Variants in KPNA1 observed in about 807,000 individuals in gnomAD.
The protein encoded by KPNA1 is importin subunit alpha-5.
Under a neutral mutation model 70.5 loss-of-function variants are expected in KPNA1, and 10 were observed. The ratio of observed to expected loss-of-function variants is 0.14; its 90% confidence interval spans 0.09 to 0.24. The LOEUF (loss-of-function observed/expected upper bound fraction) is 0.24. Ranked by LOEUF, KPNA1 falls within the 10% of genes least tolerant of loss-of-function variation. The probability of loss-of-function intolerance (pLI) is 1.00; values close to 1 mark genes in which losing one functional copy is unlikely to be tolerated. For missense variants in KPNA1, 397 were observed against 637.9 expected, an observed-to-expected ratio of 0.62 and a Z score of 4.07; for synonymous variants, 192 against 221.9, an observed-to-expected ratio of 0.87 and a Z score of 1.20.
At chr3:122,493,155 G>A (rs1433298398) in intron 2 of KPNA1, among the ~76,000 whole-genome samples, 1 of 152,088 alleles carries the variant, frequency 6.6e-6, no homozygotes, top group Non-Finnish European at 1.5e-5. Flanking sequence ...TTCTAGAACT[G>A]TCCAGCTCTA....
chr3:122,495,775 T>C (rs2076753382), intron 2 of KPNA1, among the ~76,000 whole-genome samples: 1 of 151,466 alleles, frequency 6.6e-6, no homozygotes, highest in African/African-American at 2.4e-5. Context: ...TCTTTTCATT[T>C]CTTTGCCGAA....
intron 2 of KPNA1, among the ~76,000 whole-genome samples, chr3:122,476,082 A>T (rs960090350): frequency 6.6e-6 from 1 of 152,240 alleles, no homozygotes; most frequent in Middle Eastern, 3.2e-3. Context: ...TCTTGGCATG[A>T]AAACGAACAC....
At chr3:122,487,815 A>G (rs557264436) in intron 2 of KPNA1, among the ~76,000 whole-genome samples, 1 of 152,354 alleles carries the variant, frequency 6.6e-6, no homozygotes, top group African/African-American at 2.4e-5. Flanking sequence ...AAGATGAAAA[A>G]GTTCTAGATA....
intron 2 of KPNA1, among the ~76,000 whole-genome samples, chr3:122,474,167 G>C (rs2076473330): frequency 6.6e-6 from 1 of 151,868 alleles, no homozygotes; most frequent in African/African-American, 2.4e-5. Flanking sequence ...ATTTCTATGA[G>C]GAAAACTACA....
rs2075787544 is a variant in KPNA1 at position 122,423,876 on chromosome 3, C to T, written c.*3109G>A. 6.6e-6 allele frequency: 1 copy of T among 152,390 alleles called. No homozygotes were observed. Among genetic ancestry groups the T allele is most frequent in the African/African-American group, 2.4e-5 (1 of 41,426 alleles). The allele number at this position is 152,390 out of a possible 1,614,324, so 9.4% of individuals were successfully genotyped here. A position where few individuals can be genotyped will look rare whatever the true frequency, so the allele number is the denominator to read the frequency against. On this transcript the variant is annotated 3_prime_UTR_variant, in exon 14 of 14. Transcript: ENST00000344337. ...TCATCTGTCATATGGAAGAAACAAT[C>T]CTAGGGCAATAGTTTTTTCAAAAGC... is the stretch of plus-strand genomic sequence containing the variant.
At chr3:122,452,620 A>AAGG (rs2076219212) in intron 6 of KPNA1, among the ~76,000 whole-genome samples, 1 of 71,958 alleles carries the variant, frequency 1.4e-5, no homozygotes, top group African/African-American at 5.8e-5. Flanking sequence ...GGAGGGAGGG[A>AAGG]AAGGAGGGAG....
chr3:122,476,881 A>AAAAAC (rs1560042634), intron 2 of KPNA1, among the ~76,000 whole-genome samples: 3 of 150,040 alleles, frequency 2.0e-5, no homozygotes, highest in African/African-American at 7.4e-5. Flanking sequence ...AAAAAAAAAA[A>AAAAAC]AAACTAAAAA....
chr3:122,485,877 A>T (rs1380674387), intron 2 of KPNA1, among the ~76,000 whole-genome samples: 1 of 152,260 alleles, frequency 6.6e-6, no homozygotes, highest in African/African-American at 2.4e-5. Context: ...TAAAAAAGAA[A>T]AGATGCTTAC....
chr3:122,462,582 T>TAA (rs923526783), intron 4 of KPNA1, among the ~76,000 whole-genome samples: 330 of 136,072 alleles, frequency 2.4e-3, no homozygotes, highest in African/African-American at 8.3e-3. Flanking sequence ...TGAAAGCCCT[T>TAA]AAAAAAAAAA....
At chr3:122,509,356 A>C (rs1276538998) in intron 1 of KPNA1, among the ~76,000 whole-genome samples, 1 of 152,234 alleles carries the variant, frequency 6.6e-6, no homozygotes, top group African/African-American at 2.4e-5. Flanking sequence ...CTCTATGCCC[A>C]AGGAATCACA....
At chr3:122,499,609 A>C (rs1003730215) in intron 1 of KPNA1, among the ~76,000 whole-genome samples, 1 of 152,054 alleles carries the variant, frequency 6.6e-6, no homozygotes, top group African/African-American at 2.4e-5. Flanking sequence ...AAAAAATAAA[A>C]ATCAGACAGG....
intron 9 of KPNA1, among the ~76,000 whole-genome samples, chr3:122,448,782 A>G (rs2107734038): frequency 6.6e-6 from 1 of 152,252 alleles, no homozygotes; most frequent in East Asian, 1.9e-4. Flanking sequence ...GCTAAAATAT[A>G]TAGTAGTCTA....
At chr3:122,438,389 T>A (rs866776085) in intron 10 of KPNA1, among the ~76,000 whole-genome samples, 1 of 144,286 alleles carries the variant, frequency 6.9e-6, no homozygotes, top group Non-Finnish European at 1.5e-5. Context: ...ATTTCTTTTT[T>A]GTTTTTTTTT....
intron 2 of KPNA1, chr3:122,483,238 A>T (rs1194012678): frequency 6.6e-6 from 1 of 152,418 alleles, no homozygotes; most frequent in East Asian, 1.9e-4. Context: ...AGCCAGAGGA[A>T]AAAAAAGCCA....
chr3:122,452,572 G>GGAAGGAA (rs2076216864), intron 6 of KPNA1, among the ~76,000 whole-genome samples: 9 of 22,410 alleles, frequency 4.0e-4, no homozygotes, highest in Non-Finnish European at 7.4e-4. Context: ...GAGGGAAGGA[G>GGAAGGAA]GGAAGGAAGG....
In KPNA1 at chr3:122,425,792, C is replaced by G. The variant is rs1462099860; in HGVS notation, c.*1193G>C. 2.0e-5 allele frequency: 3 copies of G among 152,546 alleles called. No individual in the cohort carries two copies. Among genetic ancestry groups the G allele is most frequent in the Admixed American group, 2.0e-4 (3 of 15,268 alleles). The allele number at this position is 152,546 out of a possible 1,614,324, so 9.4% of individuals were successfully genotyped here. On this transcript the variant is annotated 3_prime_UTR_variant, in exon 14 of 14. Transcript: ENST00000344337. Reference sequence around the variant, plus strand: ...TTAGGAAACAATGAGGTTATAAGATCACTGTTCTTATTTGGGTTAAGCAGG... The same window carrying G: ...TTAGGAAACAATGAGGTTATAAGATGACTGTTCTTATTTGGGTTAAGCAGG...
At chr3:122,467,051 ATAAGG>A (rs1486225293) in intron 3 of KPNA1, among the ~76,000 whole-genome samples, 2 of 138,746 alleles carry the variant, frequency 1.4e-5, no homozygotes, top group African/African-American at 2.6e-5. Context: ...AAATAAATAA[ATAAGG>A]TGTCTATTCT....
At chr3:122,461,834 A>G (rs2076327542) in intron 4 of KPNA1, among the ~76,000 whole-genome samples, 1 of 152,254 alleles carries the variant, frequency 6.6e-6, no homozygotes, top group Non-Finnish European at 1.5e-5. Context: ...ATGATAATAC[A>G]GTATCCTATA....
chr3:122,504,140 G>C (rs900639403), intron 1 of KPNA1, among the ~76,000 whole-genome samples: 2 of 152,216 alleles, frequency 1.3e-5, no homozygotes, highest in Admixed American at 1.3e-4. Context: ...TTCATCAATT[G>C]TTTTAGCTTG....
Sources: gnomAD v4.1 joint callset for allele counts (sites outside exome capture counted in the v4.1 genomes callset) on GRCh38, gnomAD v4.1.1 for gene constraint, MANE v1.5 for transcripts, NCBI Gene and HGNC (gene_info 2026-07-23, HGNC 2026-07-21) for gene names.